Variants in ZNF648 observed in about 807,000 individuals in gnomAD.
ZNF648 encodes the protein zinc finger protein 648.
In ZNF648, 1 loss-of-function variant was observed where a neutral mutation model predicts 0.3. The ratio of observed to expected loss-of-function variants is 3.90; its 90% CI spans 1.39 to 18.51. The LOEUF is 18.51. Ranked by LOEUF, ZNF648 falls within the 30% of genes most tolerant of loss-of-function variation. ZNF648 has a pLI of 0.11. For missense variants in ZNF648, 874 were observed against 769.7 expected (o/e 1.14, Z -1.60); for synonymous variants, 376 against 326.8 (o/e 1.15, Z -1.62).
chr1:182,063,940 C>T (rs1226225395), upstream of ZNF648: 1 of 152,188 alleles, frequency 6.6e-6, no homozygotes, highest in East Asian at 1.9e-4. Context: ...GTTCTCCTGG[C>T]ACCATTTATT....
At chr1:182,066,764 T>C in the ZNF648 span, among the ~76,000 whole-genome samples, 11 of 152,370 alleles carry the variant, frequency 7.2e-5, no homozygotes, top group Non-Finnish European at 1.5e-4. Flanking sequence ...AACCACATTT[T>C]AAAAGCATTT....
In ZNF648 at chr1:182,057,260, T is replaced by C; in HGVS notation, c.751A>G (p.Arg251Gly). 1 of 1,584,106 alleles carries C rather than the reference T, an allele frequency of 6.3e-7. No individual in the cohort carries two copies. The highest frequency in any genetic ancestry group is 1.1e-5 in the South Asian group (1 of 89,198). The change falls in exon 2 of 2, where the codon AGG (arginine) becomes GGG (glycine). Residue 251 changes from arginine to glycine, a missense_variant. Physicochemically the swap from Arg to Gly is moderately radical, Grantham distance 125. Transcript: ENST00000339948. ...AAGGCCCGCCCGCCCCGCAGGCACC[T>C]GTAGGGACGCGCCTCAGCCTCTCCG... is the stretch of plus-strand genomic sequence containing the variant. ...EGGEAEARPY[R>G]CLRGGRAFQK...
In ZNF648 at chr1:182,057,295, CG is replaced by C; in HGVS notation, c.715del (p.Arg239GlyfsTer28). 1 of 1,598,728 alleles carries C rather than the reference CG, an allele frequency of 6.3e-7. No homozygotes were observed. Among genetic ancestry groups the C allele is most frequent in the Non-Finnish European group, 8.5e-7 (1 of 1,177,040 alleles). ...CGCCTCAGCCTCTCCGCCCTCGCGC[CG>C]GCCCGCCTGGTTCTGTACTTTCCTG... ...NSRKVQNQAG[R>X]REGGEAEARP... On this transcript the variant is annotated frameshift_variant, in exon 2 of 2. Coordinates refer to ENST00000339948, the MANE Select transcript of ZNF648 (RefSeq NM_001009992.1). LOFTEE classifies it low-confidence loss of function (END_TRUNC).
chr1:182,063,608 C>A (rs928958419), upstream of ZNF648: 6 of 152,068 alleles, frequency 3.9e-5, no homozygotes, highest in African/African-American at 1.4e-4. Flanking sequence ...GGATATTAGA[C>A]CTTTGTCAGA....
At position 182,056,203 on chromosome 1, in the gene ZNF648, C is replaced by T; in HGVS notation, c.*101G>A. On this transcript the variant is annotated 3_prime_UTR_variant, in exon 2 of 2. Transcript: ENST00000339948. ...ATAATCAAATGGACCACTGATGACC[C>T]GCGACCTGCTGGGAGGCGAGGCTGA... is the stretch of plus-strand genomic sequence containing the variant. The T allele has an allele frequency of 1.2e-5, 18 of 1,457,914 alleles. No homozygotes were observed. The South Asian group carries it at 2.3e-4, about 19-fold the overall frequency. The allele number at this position is 1,457,914 out of a possible 1,614,324, so 90.3% of individuals were successfully genotyped here. A position where few individuals can be genotyped will look rare whatever the true frequency, so the allele number is the denominator to read the frequency against.
In ZNF648 at chr1:182,057,745, C is replaced by T. The variant is rs1274680445; in HGVS notation, c.266G>A (p.Gly89Asp). The T allele has an allele frequency of 1.9e-6, 3 of 1,614,102 alleles. No homozygotes were observed. Among genetic ancestry groups the T allele is most frequent in the Non-Finnish European group, 2.5e-6 (3 of 1,180,050 alleles). Residue 89 changes from glycine to aspartate, a missense_variant, in exon 2 of 2, where the codon GGC (glycine) becomes GAC (aspartate). Gly to Asp is a moderately conservative substitution (Grantham distance 94). Transcript: ENST00000339948. ...CATTTCCACTGGTTTCTGCCCCATGCCCCCAGCACTGGAGGAGTCAGAGAA... is the reference window on the plus strand; with the variant it reads ...CATTTCCACTGGTTTCTGCCCCATGTCCCCAGCACTGGAGGAGTCAGAGAA... ...EKFSDSSSAG[G>D]MGQKPVEMSG...
At position 182,056,703 on chromosome 1, in the gene ZNF648, G is replaced by A. The variant is rs1402786217; in HGVS notation, c.1308C>T (p.Ser436=). 1.3e-6 allele frequency: 2 copies of A among 1,596,288 alleles called. No homozygotes were observed. Among genetic ancestry groups the A allele is most frequent in the African/African-American group, 1.3e-5 (1 of 74,476 alleles). ...GGCCGGTGTGCAGCGTCTGGTGCTC[G>A]GACAGATTGGAGGACTTGGTGAAGC... ...GKCFTKSSNL[S]EHQTLHTGQR... Residue 436 remains serine (S), a synonymous_variant, in exon 2 of 2, where the codon TCC becomes TCT. Coordinates refer to ENST00000339948, the MANE Select transcript of ZNF648 (RefSeq NM_001009992.1).
chr1:182,066,956 A>C, the ZNF648 span, among the ~76,000 whole-genome samples: 6 of 152,166 alleles, frequency 3.9e-5, no homozygotes, highest in East Asian at 1.2e-3. Flanking sequence ...AGCCCCAAAC[A>C]TTCCCACTGA....
Position 182,057,850 on chromosome 1 carries a change from C to G in ZNF648, c.161G>C (p.Cys54Ser), listed in dbSNP as rs1374923538. The G allele has an allele frequency of 3.1e-6, 5 of 1,614,194 alleles. No homozygotes were observed. The highest frequency in any genetic ancestry group is 4.2e-6 in the Non-Finnish European group (5 of 1,180,030). ...TGTTACTGGGGAGCTGCCCCTTGGA[C>G]AGGCCACCGGGTCAGCGGTGCCCTC... ...EKEGTADPVA[C>S]PRGSSPVTHE... Residue 54 changes from cysteine (C) to serine (S), a missense_variant, in exon 2 of 2, where the codon TGT (cysteine) becomes TCT (serine). Coordinates refer to ENST00000339948, the MANE Select transcript of ZNF648 (RefSeq NM_001009992.1).
chr1:182,058,827 G>C (rs1038854058), intron 1 of ZNF648, among the ~76,000 whole-genome samples: 1 of 151,884 alleles, frequency 6.6e-6, no homozygotes, highest in Admixed American at 6.6e-5. Flanking sequence ...TCTCATTTTT[G>C]TTTTTGTTTT....
chr1:182,068,857 A>G, the ZNF648 span, among the ~76,000 whole-genome samples: 1 of 150,260 alleles, frequency 6.7e-6, no homozygotes, highest in Non-Finnish European at 1.5e-5. Context: ...CTCAGGCTAC[A>G]GTGAGCCATG....
rs1665970246 is a variant in ZNF648 at position 182,058,042 on chromosome 1, TGAG to T, written c.-35_-33del. ...CAGGCGCTTCTATTGCCTACTCCTC[TGAG>T]GAGGAGTATCCTGCTTGGCTCAGGA... On this transcript the variant is annotated 5_prime_UTR_variant, in exon 2 of 2. Transcript: ENST00000339948. The T allele has an allele frequency of 1.9e-6, 3 of 1,556,552 alleles. No homozygotes were observed. The highest frequency in any genetic ancestry group is 4.5e-5 in the East Asian group (2 of 44,540).
intron 1 of ZNF648, among the ~76,000 whole-genome samples, chr1:182,060,134 T>C (rs956010529): frequency 6.6e-6 from 1 of 152,196 alleles, no homozygotes; most frequent in African/African-American, 2.4e-5. Flanking sequence ...GCCTCACTGC[T>C]GGGCTCCTCC....
Position 182,056,994 on chromosome 1 carries a change from G to C in ZNF648, c.1017C>G (p.Asp339Glu). 6.2e-7 allele frequency: 1 copy of C among 1,613,830 alleles called. No individual in the cohort carries two copies. The highest frequency in any genetic ancestry group is 8.5e-7 in the Non-Finnish European group (1 of 1,179,980). The change falls in exon 2 of 2, where the codon GAC (aspartate) becomes GAG (glutamate). Residue 339 changes from aspartate to glutamate, a missense_variant. By Grantham distance (45) the Asp-to-Glu change is conservative. Transcript: ENST00000339948. ...AAGAGCGCACGAAGGCCTTCCCGCA[G>C]TCTGGACACGGGTAGGGTTTCTCGC... ...HTGEKPYPCP[D>E]CGKAFVRSSD...
At chr1:182,058,440 C>G (rs1297015307) in intron 1 of ZNF648, among the ~76,000 whole-genome samples, 1 of 151,918 alleles carries the variant, frequency 6.6e-6, no homozygotes, top group Non-Finnish European at 1.5e-5. Context: ...AAGCTGTGGT[C>G]CTCCTAAGAC....
chr1:182,065,145 C>T (rs1349289282), upstream of ZNF648, among the ~76,000 whole-genome samples: 1 of 152,180 alleles, frequency 6.6e-6, no homozygotes, highest in African/African-American at 2.4e-5. Flanking sequence ...CCACACAGTT[C>T]CTACATAGTG....
chr1:182,056,502 T>A lies in ZNF648; in HGVS notation c.1509A>T (p.Gly503=), dbSNP rs1665912517. The part of the protein sequence containing the change: ...RHQQIHSGEK[G]FLCAECGRAF... ...CCCTGCCGCACTCGGCACAGAGGAA[T>A]CCCTTCTCCCCGGAGTGGATCTGTT... The change falls in exon 2 of 2, where the codon GGA becomes GGT. Residue 503 remains glycine, a synonymous_variant. Coordinates refer to ENST00000339948, the MANE Select transcript of ZNF648 (RefSeq NM_001009992.1). 1 of 1,613,392 alleles carries A rather than the reference T, an allele frequency of 6.2e-7. No individual in the cohort carries two copies. Among genetic ancestry groups the A allele is most frequent in the Admixed American group, 1.7e-5 (1 of 59,966 alleles).
chr1:182,068,183 A>G, the ZNF648 span: 2 of 152,248 alleles, frequency 1.3e-5, no homozygotes, highest in African/African-American at 4.8e-5. Context: ...AAGCTGTTGG[A>G]AATTTAAAAA....
chr1:182,061,217 G>C (rs1666027419), intron 1 of ZNF648, among the ~76,000 whole-genome samples: 1 of 152,192 alleles, frequency 6.6e-6, no homozygotes, highest in African/African-American at 2.4e-5. Context: ...AAATATACCT[G>C]GTCTGAAAGA....
Sources: gnomAD v4.1 joint callset for allele counts (sites outside exome capture counted in the v4.1 genomes callset) on GRCh38, gnomAD v4.1.1 for gene constraint, MANE v1.5 for transcripts, NCBI Gene and HGNC (gene_info 2026-07-23, HGNC 2026-07-21) for gene names.